The following RNF6 variants were observed in gnomAD, a reference collection of about 807,000 sequenced individuals.
The protein encoded by RNF6 is E3 ubiquitin-protein ligase RNF6.
A neutral mutation model predicts 50.1 loss-of-function variants in RNF6; 21 were observed. That is an observed-to-expected ratio of 0.42 (90% CI 0.30 to 0.60). The LOEUF (loss-of-function observed/expected upper bound fraction) is 0.60, where lower values mean the gene tolerates loss of function less well. RNF6 is among the 20% of genes least tolerant of loss of function. RNF6 has a pLI of 0.20. For missense variants in RNF6, 698 were observed against 838.2 expected, an observed-to-expected ratio of 0.83 and a Z score of 2.07; for synonymous variants, 255 against 291.8, an observed-to-expected ratio of 0.87 and a Z score of 1.29.
intron 5 of RNF6, among the ~76,000 whole-genome samples, chr13:26,148,646 A>ACTT (rs1197794291): frequency 9.4e-6 from 1 of 106,652 alleles, no homozygotes; most frequent in Non-Finnish European, 2.1e-5. Flanking sequence ...ATATATATAT[A>ACTT]TATATATATA....
chr13:26,144,973 T>A (rs1190577738), intron 5 of RNF6: 1 of 152,124 alleles, frequency 6.6e-6, no homozygotes, highest in Non-Finnish European at 1.5e-5. Context: ...TCGATCAGTG[T>A]GATATTTAGT....
At chr13:26,143,265 C>G (rs1871053995) in intron 5 of RNF6, among the ~76,000 whole-genome samples, 1 of 151,344 alleles carries the variant, frequency 6.6e-6, no homozygotes, top group Non-Finnish European at 1.5e-5. Flanking sequence ...CTTAAGGGAT[C>G]TCCTGTATTC....
At chr13:26,148,632 T>TTATATATATATA (rs57373126) in intron 5 of RNF6, among the ~76,000 whole-genome samples, 904 of 46,854 alleles carry the variant, frequency 0.019, 43 homozygotes, top group Non-Finnish European at 0.022. Flanking sequence ...ATAAATCTCT[T>TTATATATATATA]TATATATATA....
chr13:26,177,087 A>T (rs1402559075), intron 5 of RNF6, among the ~76,000 whole-genome samples: 1 of 152,196 alleles, frequency 6.6e-6, no homozygotes, highest in Non-Finnish European at 1.5e-5. Flanking sequence ...AGCTAGGAAA[A>T]GGCAAGGTAG....
chr13:26,156,544 AC>A (rs1359103626), intron 5 of RNF6, among the ~76,000 whole-genome samples: 1 of 152,196 alleles, frequency 6.6e-6, no homozygotes, highest in Admixed American at 6.5e-5. Flanking sequence ...GTGTTATCAA[AC>A]CCTGTACCCT....
Position 26,213,825 on chromosome 13 carries a change from T to C in RNF6, c.2057A>G (p.Ter686=), listed in dbSNP as rs371065971. ...VLGSNIANNG[*] is the part of the protein sequence containing the mutation. ...AGTATTTGAGTAGATCCCATCACCT[T>C]ACCCATTGTTTGCTATGTTAGACCC... is the stretch of plus-strand genomic sequence containing the variant. The change falls in exon 5 of 5, where the codon TAA becomes TGA. Residue 686 remains the stop codon, a stop_retained_variant. Transcript: ENST00000381588. The C allele has an allele frequency of 4.4e-5, 70 of 1,600,352 alleles. No individual in the cohort carries two copies. The highest frequency in any genetic ancestry group is 5.6e-5 in the Non-Finnish European group (66 of 1,171,618).
intron 5 of RNF6, among the ~76,000 whole-genome samples, chr13:26,187,869 G>A (rs1203916266): frequency 2.6e-5 from 4 of 152,128 alleles, no homozygotes; most frequent in South Asian, 2.1e-4. Flanking sequence ...GACTACAGGC[G>A]TGTGCCACCA....
At chr13:26,151,412 G>A (rs1219523130) in intron 5 of RNF6, among the ~76,000 whole-genome samples, 1 of 152,034 alleles carries the variant, frequency 6.6e-6, no homozygotes, top group Non-Finnish European at 1.5e-5. Context: ...ACAGGTGCAT[G>A]CCACCACGCC....
chr13:26,138,911 A>G (rs962608611), intron 5 of RNF6, among the ~76,000 whole-genome samples: 4 of 152,178 alleles, frequency 2.6e-5, no homozygotes, highest in Non-Finnish European at 4.4e-5. Context: ...ATTAAATAGT[A>G]TCACTTCACA....
chr13:26,217,381 G>C (rs867235588), intron 4 of RNF6, among the ~76,000 whole-genome samples: 1 of 152,204 alleles, frequency 6.6e-6, no homozygotes, highest in African/African-American at 2.4e-5. Flanking sequence ...AGTTTGCCAA[G>C]TACCTACTCA....
intron 5 of RNF6, among the ~76,000 whole-genome samples, chr13:26,195,132 T>G (rs1380889013): frequency 6.6e-6 from 1 of 152,160 alleles, no homozygotes; most frequent in Admixed American, 6.5e-5. Flanking sequence ...TCTGGGGATT[T>G]AAAACAACTA....
At chr13:26,153,550 A>G (rs1486393089) in intron 5 of RNF6, among the ~76,000 whole-genome samples, 1 of 152,164 alleles carries the variant, frequency 6.6e-6, no homozygotes, top group Non-Finnish European at 1.5e-5. Context: ...AGATAGATTA[A>G]TACCTTCTAG....
At chr13:26,139,366 T>C (rs1250820790) in intron 5 of RNF6, among the ~76,000 whole-genome samples, 1 of 152,204 alleles carries the variant, frequency 6.6e-6, no homozygotes, top group Non-Finnish European at 1.5e-5. Context: ...TGCTCTGGCC[T>C]AGGCTTTTCC....
At chr13:26,133,454 T>C (rs1870493874) in intron 5 of RNF6, among the ~76,000 whole-genome samples, 1 of 152,214 alleles carries the variant, frequency 6.6e-6, no homozygotes, top group African/African-American at 2.4e-5. Flanking sequence ...TCTGGTGACA[T>C]GAAGGTTAGC....
At chr13:26,212,163 CA>C (rs765754747), downstream of RNF6, among the ~76,000 whole-genome samples, 5 of 152,106 alleles carry the variant, frequency 3.3e-5, no homozygotes, top group Non-Finnish European at 5.9e-5. Flanking sequence ...GTAGTAGACC[CA>C]TCCTCCTGGG....
chr13:26,154,471 A>C (rs1048230373), intron 5 of RNF6, among the ~76,000 whole-genome samples: 4 of 152,220 alleles, frequency 2.6e-5, no homozygotes, highest in African/African-American at 9.6e-5. Context: ...CCAAAGGGGA[A>C]GATGACAAAG....
chr13:26,181,150 C>T (rs1159488848), intron 5 of RNF6, among the ~76,000 whole-genome samples: 1 of 152,174 alleles, frequency 6.6e-6, no homozygotes, highest in African/African-American at 2.4e-5. Context: ...TCCAGGTACT[C>T]CTTGGTTCCA....
chr13:26,147,226 GTAGTA>G (rs1871298066), intron 5 of RNF6, among the ~76,000 whole-genome samples: 1 of 152,194 alleles, frequency 6.6e-6, no homozygotes, highest in South Asian at 2.1e-4. Context: ...CTTTTGAAGT[GTAGTA>G]CATGCCCTCA....
intron 5 of RNF6, among the ~76,000 whole-genome samples, chr13:26,152,465 C>G (rs1224100668): frequency 1.3e-5 from 2 of 152,240 alleles, no homozygotes; most frequent in Admixed American, 6.5e-5. Context: ...CAGAAGCAGG[C>G]TGTGTTCCTT....
Sources: gnomAD v4.1 joint callset for allele counts (sites outside exome capture counted in the v4.1 genomes callset) on GRCh38, gnomAD v4.1.1 for gene constraint, MANE v1.5 for transcripts, NCBI Gene and HGNC (gene_info 2026-07-23, HGNC 2026-07-21) for gene names.